The following COQ4 variants were observed in gnomAD, a reference collection of about 807,000 sequenced individuals.
The protein encoded by COQ4 is coenzyme Q4, also known as ubiquinone biosynthesis protein COQ4 homolog, mitochondrial.
A neutral mutation model predicts 30.2 loss-of-function variants in COQ4; 36 were observed. The ratio of observed to expected loss-of-function variants is 1.19; its 90% CI spans 0.91 to 1.57. The LOEUF is 1.57. Among genes scored for constraint, COQ4 ranks in the 40% most tolerant of loss-of-function variants. The probability of loss-of-function intolerance (pLI) is 0.00; values close to 1 mark genes in which losing one functional copy is unlikely to be tolerated. For synonymous variants in COQ4, 197 were observed against 161.0 expected, an observed-to-expected ratio of 1.22 and a Z score of -1.69; for missense variants, 369 against 371.9, an observed-to-expected ratio of 0.99 and a Z score of 0.07.
chr9:128,332,843 C>T lies in COQ4; in HGVS notation c.533-7C>T. On this transcript the variant is annotated splice_region_variant and splice_polypyrimidine_tract_variant and intron_variant, in intron 5 of 6. Transcript: ENST00000300452. ...TGTTCACCTCCCAACACATCCCTCA[C>T]CCACAGGGGAGATCGTGGTGAAATG... The T allele has an allele frequency of 6.2e-7, 1 of 1,610,644 alleles. No individual in the cohort carries two copies. Among genetic ancestry groups the T allele is most frequent in the Middle Eastern group, 1.7e-4 (1 of 6,058 alleles).
chr9:128,333,649 C>T lies in COQ4; in HGVS notation c.*4C>T. On this transcript the variant is annotated 3_prime_UTR_variant, in exon 7 of 7. Transcript: ENST00000300452. Reference sequence around the variant, plus strand: ...GCACGTCCAGGGCTTGGCCTGAGCTCCTGAGCCAGCGGGGCCTGGCCTACC... The same window carrying T: ...GCACGTCCAGGGCTTGGCCTGAGCTTCTGAGCCAGCGGGGCCTGGCCTACC... 1 of 1,533,234 alleles carries T rather than the reference C, an allele frequency of 6.5e-7. No individual in the cohort carries two copies. Among genetic ancestry groups the T allele is most frequent in the Non-Finnish European group, 8.7e-7 (1 of 1,145,494 alleles). The allele number at this position is 1,533,234 out of a possible 1,614,324, so 95.0% of individuals were successfully genotyped here. A position where few individuals can be genotyped will look rare whatever the true frequency, so the allele number is the denominator to read the frequency against.
chr9:128,326,828 C>G (rs1320203405), intron 4 of COQ4, among the ~76,000 whole-genome samples: 1 of 151,940 alleles, frequency 6.6e-6, no homozygotes, highest in Non-Finnish European at 1.5e-5. Flanking sequence ...CGGCTCACTG[C>G]AACTCAGCTT....
intron 6 of COQ4, 40 bp downstream of exon 6, chr9:128,332,983 G>A (rs780729072): frequency 1.3e-6 from 2 of 1,492,838 alleles, no homozygotes; most frequent in East Asian, 2.3e-5. Context: ...GTTGAGGGTG[G>A]TATCAGGACA....
intron 2 of COQ4, 61 bp from the exon 3 acceptor site, chr9:128,325,082 C>G: frequency 1.7e-6 from 2 of 1,182,134 alleles, no homozygotes; most frequent in Non-Finnish European, 2.5e-6. Flanking sequence ...AAGGCTCAGA[C>G]CAGGTCAGCT....
Position 128,325,929 on chromosome 9 carries a change from G to A in COQ4, c.402+48G>A, listed in dbSNP as rs776664599. 4.0e-6 allele frequency: 6 copies of A among 1,502,690 alleles called. 1 individual carries two copies. The South Asian group carries it at 6.8e-5, about 17-fold the overall frequency. The allele number at this position is 1,502,690 out of a possible 1,614,324, so 93.1% of individuals were successfully genotyped here. A position where few individuals can be genotyped will look rare whatever the true frequency, so the allele number is the denominator to read the frequency against. ...TCTGGCAGTCACCAGACAGGACAGAGGAATAGCACAGGCATGACACCCTGA... is the reference window on the plus strand; with the variant it reads ...TCTGGCAGTCACCAGACAGGACAGAAGAATAGCACAGGCATGACACCCTGA... On this transcript the variant is annotated intron_variant, in intron 4 of 6. Transcript: ENST00000300452.
At chr9:128,326,738 C>T (rs887067628) in intron 4 of COQ4, among the ~76,000 whole-genome samples, 2 of 151,932 alleles carry the variant, frequency 1.3e-5, no homozygotes, top group African/African-American at 2.4e-5. Context: ...CCACAGCGCC[C>T]GGCCCATCCT....
In COQ4 at chr9:128,325,728, G is replaced by A. The variant is rs77448374; in HGVS notation, c.300-51G>A. ...CCCCTCAGCTCGCTGTAGTTGGATC[G>A]TTCACCTACCTTTGCCCACACCCTC... On this transcript the variant is annotated intron_variant, in intron 3 of 6. Coordinates refer to ENST00000300452, the MANE Select transcript of COQ4 (RefSeq NM_016035.5). The A allele has an allele frequency of 9.8e-3, 14,133 of 1,445,890 alleles. 565 individuals are homozygous for A. The African/African-American group carries it at 0.12, about 13-fold the overall frequency. 89.6% of individuals were successfully genotyped at this position (1,445,890 alleles called of 1,614,324 possible).
intron 6 of COQ4, among the ~76,000 whole-genome samples, 181 bp from the exon 7 acceptor site, chr9:128,333,293 G>A (rs1328598137): frequency 6.6e-6 from 1 of 152,190 alleles, no homozygotes; most frequent in East Asian, 1.9e-4. Context: ...TTCAAGATGT[G>A]TGGCTTTGGG....
Position 128,333,837 on chromosome 9 carries a change from T to C in COQ4, c.*192T>C. 1 of 439,748 alleles carries C rather than the reference T, an allele frequency of 2.3e-6. No homozygotes were observed. Among genetic ancestry groups the C allele is most frequent in the Non-Finnish European group, 3.9e-6 (1 of 253,332 alleles). The allele number at this position is 439,748 out of a possible 1,614,324, so 27.2% of individuals were successfully genotyped here. A position where few individuals can be genotyped will look rare whatever the true frequency, so the allele number is the denominator to read the frequency against. On this transcript the variant is annotated 3_prime_UTR_variant, in exon 7 of 7. Coordinates refer to ENST00000300452, the MANE Select transcript of COQ4 (RefSeq NM_016035.5). Reference sequence around the variant, plus strand: ...GCAGGGAGCAAGCAGTACAGTGGCATTCCCAGGGGGACCAGCAGCTACCCA... The same window carrying C: ...GCAGGGAGCAAGCAGTACAGTGGCACTCCCAGGGGGACCAGCAGCTACCCA...
intron 2 of COQ4, among the ~76,000 whole-genome samples, chr9:128,324,831 A>G (rs907271245): frequency 2.6e-5 from 4 of 152,242 alleles, no homozygotes; most frequent in African/African-American, 9.7e-5. Context: ...GTAGCCCAGC[A>G]TCTCTGATGC....
At chr9:128,325,947 C>A in intron 4 of COQ4, 66 bp downstream of exon 4, 2 of 1,384,558 alleles carry the variant, frequency 1.4e-6, no homozygotes, top group Non-Finnish European at 2.1e-6. Flanking sequence ...ACAGGCATGA[C>A]ACCCTGAGGA....
At chr9:128,333,371 CGAGGCCTT>C (rs1034870984) in intron 6 of COQ4, 95 bp from the exon 7 acceptor site, 1 of 1,060,224 alleles carries the variant, frequency 9.4e-7, no homozygotes, top group African/African-American at 1.6e-5. Flanking sequence ...TACCTCCTTC[CGAGGCCTT>C]TGTGAGGATG....
chr9:128,325,226 G>T lies in COQ4; in HGVS notation c.286G>T (p.Ala96Ser), dbSNP rs770626680. The T allele has an allele frequency of 3.7e-6, 6 of 1,613,486 alleles. No individual in the cohort carries two copies. The South Asian group carries it at 5.5e-5, about 15-fold the overall frequency. Reference sequence around the variant, plus strand: ...CCAGATGAGGAGGGATCCAGAGGGTGCCCAGATCCTGCAGTAGGTCCCAGC... The same window carrying T: ...CCAGATGAGGAGGGATCCAGAGGGTTCCCAGATCCTGCAGTAGGTCCCAGC... ...RDQMRRDPEG[A>S]QILQERPRIS... The change falls in exon 3 of 7, where the codon GCC (alanine) becomes TCC (serine). Residue 96 changes from alanine to serine, a missense_variant. By Grantham distance (99) the Ala-to-Ser change is moderately conservative. Coordinates refer to ENST00000300452, the MANE Select transcript of COQ4 (RefSeq NM_016035.5).
chr9:128,333,839 C>T lies in COQ4; in HGVS notation c.*194C>T. On this transcript the variant is annotated 3_prime_UTR_variant, in exon 7 of 7. Coordinates refer to ENST00000300452, the MANE Select transcript of COQ4 (RefSeq NM_016035.5). Reference sequence around the variant, plus strand: ...AGGGAGCAAGCAGTACAGTGGCATTCCCAGGGGGACCAGCAGCTACCCAAG... The same window carrying T: ...AGGGAGCAAGCAGTACAGTGGCATTTCCAGGGGGACCAGCAGCTACCCAAG... 2.3e-6 allele frequency: 1 copy of T among 436,168 alleles called. No homozygotes were observed. Among genetic ancestry groups the T allele is most frequent in the African/African-American group, 2.0e-5 (1 of 48,806 alleles). The allele number at this position is 436,168 out of a possible 1,614,324, so 27.0% of individuals were successfully genotyped here.
rs141454823 is a variant in COQ4, at chr9:128,327,757, A to G, written c.402+1876A>G. On this transcript the variant is annotated intron_variant, in intron 4 of 6. Coordinates refer to ENST00000300452, the MANE Select transcript of COQ4 (RefSeq NM_016035.5). ...AGGTCGAGGGCGGTGAGCCGTAATC[A>G]CACCACTACACTCCAGCTTGGACAA... 2.2e-3 allele frequency among the ~76,000 whole-genome samples: 338 copies of G among 152,308 alleles called. 1 individual carries two copies. The highest frequency in any genetic ancestry group is 3.8e-3 in the Non-Finnish European group (259 of 68,020).
chr9:128,323,395 C>G, intron 2 of COQ4: 1 of 554,182 alleles, frequency 1.8e-6, no homozygotes, highest in Non-Finnish European at 3.1e-6. Context: ...ATCTGTCATG[C>G]AGCCATATTG....
chr9:128,332,118 C>T lies in COQ4; in HGVS notation c.403-35C>T, dbSNP rs201548774. On this transcript the variant is annotated intron_variant, in intron 4 of 6. Transcript: ENST00000300452. ...TGGCAAATCGGGCCCTGGGAACCATCAGGAAGGGTTCTAGGGGAGGCTCAT... is the reference window on the plus strand; with the variant it reads ...TGGCAAATCGGGCCCTGGGAACCATTAGGAAGGGTTCTAGGGGAGGCTCAT... 5.3e-4 allele frequency: 823 copies of T among 1,549,102 alleles called. 13 individuals are homozygous for T. In the East Asian group the frequency reaches 0.014, roughly 26 times the overall value.
At chr9:128,331,942 T>C (rs899703198) in intron 4 of COQ4, 3 of 512,928 alleles carry the variant, frequency 5.8e-6, no homozygotes, top group African/African-American at 5.8e-5. Flanking sequence ...TTGGTCAGGC[T>C]GGTGTTGAAC....
chr9:128,323,414 T>G lies in COQ4; in HGVS notation c.202+267T>G, dbSNP rs1455631440. ...GTCATGCAGCCATATTGAGAACATC[T>G]AGACTAAATAGATGATTCATAAGTA... On this transcript the variant is annotated intron_variant, in intron 2 of 6. Coordinates refer to ENST00000300452, the MANE Select transcript of COQ4 (RefSeq NM_016035.5). 8 of 530,704 alleles carry G rather than the reference T, an allele frequency of 1.5e-5. No homozygotes were observed. The Admixed American group carries it at 3.1e-4, about 20-fold the overall frequency. 32.9% of individuals were successfully genotyped at this position (530,704 alleles called of 1,614,324 possible).
Sources: gnomAD v4.1 joint callset for allele counts (sites outside exome capture counted in the v4.1 genomes callset) on GRCh38, gnomAD v4.1.1 for gene constraint, MANE v1.5 for transcripts, NCBI Gene and HGNC (gene_info 2026-07-23, HGNC 2026-07-21) for gene names.